Variants in TBC1D5 observed in about 807,000 individuals in gnomAD.
TBC1D5 encodes TBC1 domain family, member 5.
A neutral mutation model predicts 100.3 loss-of-function variants in TBC1D5; 75 were observed. That is an observed-to-expected ratio of 0.75 (90% CI 0.62 to 0.91). The LOEUF is 0.91. Among genes scored for constraint, TBC1D5 ranks in the 40% least tolerant of loss-of-function variants. The pLI is 0.00. For synonymous variants in TBC1D5, 323 were observed against 325.6 expected, an observed-to-expected ratio of 0.99 and a Z score of 0.09; for missense variants, 910 against 942.4, an observed-to-expected ratio of 0.97 and a Z score of 0.45.
intron 15 of TBC1D5, among the ~76,000 whole-genome samples, chr3:17,259,308 C>T (rs116710807): frequency 0.013 from 2,005 of 152,192 alleles, 37 homozygotes; most frequent in African/African-American, 0.045. Context: ...ATTAGGTCCA[C>T]GGTGTCTGTT....
intron 1 of TBC1D5, among the ~76,000 whole-genome samples, chr3:17,679,311 A>T (rs961307774): frequency 6.6e-6 from 1 of 151,516 alleles, no homozygotes; most frequent in Non-Finnish European, 1.5e-5. Context: ...GAAGTTACAG[A>T]GATGTTTTAT....
At chr3:17,352,683 C>CAAAAAAAAAAAA (rs1363926293) in intron 13 of TBC1D5, among the ~76,000 whole-genome samples, 9 of 94,924 alleles carry the variant, frequency 9.5e-5, no homozygotes, top group Middle Eastern at 6.2e-3. Flanking sequence ...AAGCAAAAGG[C>CAAAAAAAAAAAA]AAAAAAAAAA....
exon 1 of TBC1D5, chr3:17,739,504 T>A (rs369060872): frequency 1.3e-5 from 2 of 152,086 alleles, no homozygotes; most frequent in African/African-American, 4.8e-5. Context: ...CTACTACGCA[T>A]ACATGTAGGG....
chr3:17,207,023 C>T (rs1296520813), intron 18 of TBC1D5, among the ~76,000 whole-genome samples: 1 of 152,138 alleles, frequency 6.6e-6, no homozygotes, highest in African/African-American at 2.4e-5. Context: ...TAGACTTGAA[C>T]TCCTGGGCTC....
chr3:17,321,271 C>G lies in TBC1D5; in HGVS notation c.996-13137G>C, dbSNP rs1210927372. The stretch of plus-strand genomic sequence containing the variant: ...ATTTTTTGTAGAGACACTATGTTGC[C>G]CAGGTTGGTCTCAAACTCCTGGCCT... On this transcript the variant is annotated intron_variant, in intron 13 of 21. Transcript: ENST00000253692. Among the ~76,000 whole-genome samples the G allele has an allele frequency of 2.6e-5, 4 of 152,084 alleles. No individual in the cohort carries two copies. In the South Asian group the frequency reaches 6.2e-4, roughly 24 times the overall value.
At chr3:17,457,564 A>C (rs2095116375) in intron 3 of TBC1D5, among the ~76,000 whole-genome samples, 2 of 152,324 alleles carry the variant, frequency 1.3e-5, no homozygotes, top group Non-Finnish European at 2.9e-5. Flanking sequence ...TCTGATGTTG[A>C]ATGTTGCCCA....
intron 3 of TBC1D5, among the ~76,000 whole-genome samples, chr3:17,440,845 T>C (rs1439664173): frequency 6.6e-6 from 1 of 152,096 alleles, no homozygotes; most frequent in Non-Finnish European, 1.5e-5. Flanking sequence ...TTTCTCCATG[T>C]TGGCCAAGCG....
chr3:17,584,739 C>T (rs1213904108), intron 2 of TBC1D5, among the ~76,000 whole-genome samples: 1 of 152,164 alleles, frequency 6.6e-6, no homozygotes, highest in Non-Finnish European at 1.5e-5. Context: ...TCACTGCAAC[C>T]TCCACTTCCC....
chr3:17,680,104 T>C (rs930256457), intron 1 of TBC1D5, among the ~76,000 whole-genome samples: 4 of 151,724 alleles, frequency 2.6e-5, no homozygotes, highest in Admixed American at 6.5e-5. Flanking sequence ...TTATCAGTTA[T>C]ACTAAAAGTT....
At chr3:17,406,663 T>G in intron 4 of TBC1D5, 137 bp from the exon 5 acceptor site, 1 of 657,822 alleles carries the variant, frequency 1.5e-6, no homozygotes, top group South Asian at 2.1e-5. Context: ...TGTGTACTGT[T>G]TCTGAACGCA....
At chr3:17,301,072 A>T (rs924821452) in intron 14 of TBC1D5, among the ~76,000 whole-genome samples, 16 of 144,742 alleles carry the variant, frequency 1.1e-4, no homozygotes, top group Non-Finnish European at 2.2e-4. Flanking sequence ...CCGTCTCAGA[A>T]AAAAAAAAAA....
intron 8 of TBC1D5, among the ~76,000 whole-genome samples, chr3:17,385,729 G>C (rs747706808): frequency 3.5e-4 from 53 of 151,804 alleles, no homozygotes; most frequent in Non-Finnish European, 6.8e-4. Context: ...CAGCAAGGAA[G>C]CCTCTTTTTG....
chr3:17,328,998 GT>G (rs1316220296), intron 13 of TBC1D5, among the ~76,000 whole-genome samples: 3 of 152,304 alleles, frequency 2.0e-5, no homozygotes, highest in African/African-American at 7.2e-5. Context: ...GAAAAAAGGA[GT>G]TGGAGGAAGG....
chr3:17,613,588 T>G (rs1015223049), intron 2 of TBC1D5, among the ~76,000 whole-genome samples: 5 of 152,252 alleles, frequency 3.3e-5, no homozygotes, highest in African/African-American at 4.8e-5. Flanking sequence ...CTAACTGGCA[T>G]GAGATGGTAT....
intron 1 of TBC1D5, among the ~76,000 whole-genome samples, chr3:17,651,274 T>C (rs2065524670): frequency 6.6e-6 from 1 of 151,972 alleles, no homozygotes; most frequent in African/African-American, 2.4e-5. Flanking sequence ...GAAAAATCAG[T>C]TTCCAAGAAG....
chr3:17,518,751 G>A (rs556199316), intron 2 of TBC1D5, among the ~76,000 whole-genome samples: 11 of 152,382 alleles, frequency 7.2e-5, no homozygotes, highest in African/African-American at 1.7e-4. Context: ...CACTTAAGCC[G>A]TCTGCAAAGG....
rs1269567626 is a variant in TBC1D5 at position 17,596,327 on chromosome 3, T to TC, written c.-36+27521_-36+27522insG. ...TTTTCCAGCTTTCCTTTTTTTTTTTTTTTTTTTTCCGGAGACACAGTCTCG... is the reference window on the plus strand; with the variant it reads ...TTTTCCAGCTTTCCTTTTTTTTTTTTCTTTTTTTTCCGGAGACACAGTCTCG... On this transcript the variant is annotated intron_variant, in intron 2 of 21. Transcript: ENST00000253692. Among the ~76,000 whole-genome samples, 5 of 150,166 alleles carry TC rather than the reference T, an allele frequency of 3.3e-5. 1 individual carries two copies. The South Asian group carries it at 6.4e-4, about 19-fold the overall frequency.
chr3:17,591,247 A>AAAAAAAAAAAAAAAAAAAAC (rs1383429889), intron 2 of TBC1D5, among the ~76,000 whole-genome samples: 1 of 132,734 alleles, frequency 7.5e-6, no homozygotes, highest in Non-Finnish European at 1.6e-5. Context: ...AAAAAAAAAA[A>AAAAAAAAAAAAAAAAAAAAC]AAAAAAAAAA....
rs774544230 is a variant in TBC1D5 at position 17,323,936 on chromosome 3, TCTTTA to T, written c.996-15807_996-15803del. 1.4e-4 allele frequency among the ~76,000 whole-genome samples: 22 copies of T among 152,314 alleles called. No homozygotes were observed. The East Asian group carries it at 2.5e-3, about 17-fold the overall frequency. On this transcript the variant is annotated intron_variant, in intron 13 of 21. Coordinates refer to ENST00000253692, the Ensembl canonical transcript of TBC1D5. Reference sequence around the variant, plus strand: ...GTGATATACAGAATTACTATAAAAGTCTTTACTTTAATTCAAGACAACATAGTATT... The same window carrying T: ...GTGATATACAGAATTACTATAAAAGTCTTTAATTCAAGACAACATAGTATT...
Sources: gnomAD v4.1 joint callset for allele counts (sites outside exome capture counted in the v4.1 genomes callset) on GRCh38, gnomAD v4.1.1 for gene constraint, MANE v1.5 for transcripts, NCBI Gene and HGNC (gene_info 2026-07-23, HGNC 2026-07-21) for gene names.